GLI2: variants seen among roughly 807,000 people sequenced by gnomAD.
The protein encoded by GLI2 is GLI family zinc finger 2, also known as transcription activator GLI2.
In GLI2, 22 loss-of-function variants were observed where a neutral mutation model predicts 78.9. That is an observed-to-expected ratio of 0.28 (90% confidence interval 0.20 to 0.40). The LOEUF (loss-of-function observed/expected upper bound fraction) is 0.40, where lower values mean the gene tolerates loss of function less well. GLI2 is among the 10% of genes least tolerant of loss of function. GLI2 has a pLI of 1.00. For synonymous variants in GLI2, 974 were observed against 963.7 expected, an observed-to-expected ratio of 1.01 and a Z score of -0.20; for missense variants, 2,097 against 2,213.2, an observed-to-expected ratio of 0.95 and a Z score of 1.05.
Position 120,989,429 on chromosome 2 carries a change from C to A in GLI2, c.3464C>A (p.Ala1155Glu), listed in dbSNP as rs759924730. Residue 1155 changes from alanine (A) to glutamate (E), a missense_variant, in exon 14 of 14, where the codon GCG (alanine) becomes GAG (glutamate). Ala to Glu is a moderately radical substitution (Grantham distance 107). This residue lies in a region of GLI2 where 1,290 missense variants were observed against 1,261.7 expected (regional missense o/e 1.02). Coordinates refer to ENST00000361492, the MANE Select transcript of GLI2 (RefSeq NM_001374353.1). ...CCACCCTTTCCTCAGGGCAACCTGG[C>A]GGTGGTGCAGCAGAAGCCTGCCTTT... is the stretch of plus-strand genomic sequence containing the variant. ...KPPPFPQGNLAVVQQKPAFGQ... is the reference protein window; with the variant it reads ...KPPPFPQGNLEVVQQKPAFGQ... 1.2e-6 allele frequency: 2 copies of A among 1,613,064 alleles called. No homozygotes were observed. The highest frequency in any genetic ancestry group is 1.7e-6 in the Non-Finnish European group (2 of 1,179,994).
At chr2:120,959,260 A>T (rs1208904595) in intron 5 of GLI2, among the ~76,000 whole-genome samples, 1 of 152,178 alleles carries the variant, frequency 6.6e-6, no homozygotes, top group Non-Finnish European at 1.5e-5. Flanking sequence ...TTGGGAACAC[A>T]TCTGGCTTCA....
intron 1 of GLI2, among the ~76,000 whole-genome samples, chr2:120,736,650 G>A (rs1682366007): frequency 6.6e-6 from 1 of 151,956 alleles, no homozygotes. Flanking sequence ...GTGGAGGGTG[G>A]GATCGGAGGC....
At chr2:120,975,413 C>T (rs527236287) in intron 9 of GLI2, among the ~76,000 whole-genome samples, 2 of 151,718 alleles carry the variant, frequency 1.3e-5, no homozygotes, top group African/African-American at 2.4e-5. Flanking sequence ...AAACCGAGTG[C>T]TTTGAGCTAT....
chr2:120,853,196 A>C (rs1055273030), intron 2 of GLI2, among the ~76,000 whole-genome samples: 1 of 152,058 alleles, frequency 6.6e-6, no homozygotes, highest in Non-Finnish European at 1.5e-5. Flanking sequence ...GGCTGAAAGG[A>C]GGGCCAGGAG....
At chr2:120,940,672 A>G (rs1166327256) in intron 3 of GLI2, among the ~76,000 whole-genome samples, 1 of 152,182 alleles carries the variant, frequency 6.6e-6, no homozygotes, top group Admixed American at 6.5e-5. Flanking sequence ...AGTGTGAACT[A>G]TGGGATTGAG....
At chr2:120,776,777 C>T (rs777314212) in intron 1 of GLI2, among the ~76,000 whole-genome samples, 2 of 152,158 alleles carry the variant, frequency 1.3e-5, no homozygotes. Flanking sequence ...TCCTAGCCGG[C>T]GTTCTCCCAA....
At chr2:120,798,293 C>T (rs1276415510) in intron 2 of GLI2, among the ~76,000 whole-genome samples, 1 of 152,212 alleles carries the variant, frequency 6.6e-6, no homozygotes. Context: ...TTGATGTATA[C>T]ACAGTTGTTG....
intron 2 of GLI2, among the ~76,000 whole-genome samples, chr2:120,913,213 T>G (rs1205357549): frequency 6.6e-6 from 1 of 152,140 alleles, no homozygotes; most frequent in Non-Finnish European, 1.5e-5. Flanking sequence ...TGATAACGAG[T>G]TAGGCCTGAG....
In GLI2 at chr2:120,907,049, A is replaced by C. The variant is rs558238850; in HGVS notation, c.149-20312A>C. Among the ~76,000 whole-genome samples the C allele has an allele frequency of 4.3e-4, 66 of 151,986 alleles. 1 individual carries two copies. Among genetic ancestry groups the C allele is most frequent in the African/African-American group, 1.6e-3 (65 of 41,416 alleles). ...CTGTCCCTGTCACCCCCTTGCATAA[A>C]CCTTCCTAATGTCTCTCCATCACCA... is the stretch of plus-strand genomic sequence containing the variant. On this transcript the variant is annotated intron_variant, in intron 2 of 13. Transcript: ENST00000361492.
chr2:120,752,549 G>A (rs1049485886), intron 1 of GLI2, among the ~76,000 whole-genome samples: 4 of 152,068 alleles, frequency 2.6e-5, no homozygotes, highest in Admixed American at 1.3e-4. Context: ...GATTACAGGC[G>A]TGAGCCACCG....
chr2:120,801,642 A>G (rs1443349176), intron 2 of GLI2, among the ~76,000 whole-genome samples: 1 of 152,204 alleles, frequency 6.6e-6, no homozygotes, highest in Non-Finnish European at 1.5e-5. Context: ...GATCTCAAGC[A>G]CCCCTAGCAA....
intron 2 of GLI2, among the ~76,000 whole-genome samples, chr2:120,838,391 T>C (rs1686713552): frequency 6.6e-6 from 1 of 152,220 alleles, no homozygotes. Context: ...TAGTTTTAAA[T>C]GTGTCCCTAC....
intron 1 of GLI2, among the ~76,000 whole-genome samples, chr2:120,765,090 A>T (rs1212527607): frequency 6.6e-6 from 1 of 151,088 alleles, no homozygotes; most frequent in African/African-American, 2.4e-5. Flanking sequence ...CCTTCCTCCT[A>T]CCCCCTTCAG....
chr2:120,923,415 A>G (rs535826613), intron 2 of GLI2, among the ~76,000 whole-genome samples: 1 of 152,234 alleles, frequency 6.6e-6, no homozygotes, highest in Admixed American at 6.5e-5. Flanking sequence ...ATGTACATAT[A>G]CACAGCAACA....
chr2:120,968,714 T>A lies in GLI2; in HGVS notation c.644T>A (p.Val215Glu). ...CTGTCTTGTGTTGACTATCCCACAG[T>A]GTCCCGTTTCTCCAGCCCGCGGGTG... is the stretch of plus-strand genomic sequence containing the variant. Reference protein sequence around the residue: ...HLHDYLNPVDVSRFSSPRVTP... With the variant: ...HLHDYLNPVDESRFSSPRVTP... Residue 215 changes from valine to glutamate, a missense_variant and splice_region_variant, in exon 6 of 14, where the codon GTG (valine) becomes GAG (glutamate). Coordinates refer to ENST00000361492, the MANE Select transcript of GLI2 (RefSeq NM_001374353.1). 6.2e-7 allele frequency: 1 copy of A among 1,611,396 alleles called. No homozygotes were observed. The highest frequency in any genetic ancestry group is 1.1e-5 in the South Asian group (1 of 91,024).
At chr2:120,982,659 C>G in intron 10 of GLI2, 57 bp from the exon 11 acceptor site, 8 of 1,504,950 alleles carry the variant, frequency 5.3e-6, no homozygotes, top group Non-Finnish European at 7.3e-6. Flanking sequence ...AAGCAGCAGC[C>G]GGCCTCAAGG....
intron 1 of GLI2, among the ~76,000 whole-genome samples, chr2:120,762,537 G>C (rs1233193235): frequency 6.6e-6 from 1 of 152,186 alleles, no homozygotes; most frequent in Non-Finnish European, 1.5e-5. Flanking sequence ...TCCCAGGAAG[G>C]CACAAGCACA....
In GLI2 at chr2:120,982,793, A is replaced by T; in HGVS notation, c.1545A>T (p.Pro515=). Residue 515 remains proline (P), a synonymous_variant, in exon 11 of 14, where the codon CCA becomes CCT. Transcript: ENST00000361492. ...THLRSHTGEK[P]YVCEHEGCNK... ...TGCGGTCCCACACCGGGGAGAAGCC[A>T]TATGTGTGTGAGCACGAGGGCTGCA... 6.2e-7 allele frequency: 1 copy of T among 1,614,130 alleles called. No homozygotes were observed. Among genetic ancestry groups the T allele is most frequent in the East Asian group, 2.2e-5 (1 of 44,866 alleles).
At chr2:120,882,283 G>A (rs1677191095) in intron 2 of GLI2, among the ~76,000 whole-genome samples, 1 of 152,184 alleles carries the variant, frequency 6.6e-6, no homozygotes, top group African/African-American at 2.4e-5. Context: ...CTTGGGTTGG[G>A]TCTCCAGGGC....
Sources: gnomAD v4.1 joint callset for allele counts (sites outside exome capture counted in the v4.1 genomes callset) on GRCh38, gnomAD v4.1.1 for gene constraint, gnomAD v4.1.1 regional missense constraint, MANE v1.5 for transcripts, NCBI Gene and HGNC (gene_info 2026-07-23, HGNC 2026-07-21) for gene names.